XPO7: variants seen among roughly 807,000 people sequenced by gnomAD.
XPO7 encodes the protein exportin 7.
XPO7 carries 21 observed loss-of-function variants against 144.3 expected under a neutral mutation model. That is an observed-to-expected ratio of 0.15 (90% CI 0.10 to 0.21). The LOEUF (loss-of-function observed/expected upper bound fraction) is 0.21, where lower values mean the gene tolerates loss of function less well. Among genes scored for constraint, XPO7 ranks in the 10% least tolerant of loss-of-function variants. The pLI is 1.00. For synonymous variants in XPO7, 580 were observed against 499.6 expected (o/e 1.16, Z -2.15); for missense variants, 808 against 1,325.8 (o/e 0.61, Z 6.06).
intron 24 of XPO7, among the ~76,000 whole-genome samples, chr8:22,000,695 C>T (rs897639332): frequency 4.6e-5 from 7 of 152,074 alleles, no homozygotes; most frequent in African/African-American, 1.7e-4. Context: ...CCTCATGATC[C>T]GCCTGGCTTG....
chr8:21,949,647 A>G (rs1398438361), intron 1 of XPO7, among the ~76,000 whole-genome samples: 3 of 152,214 alleles, frequency 2.0e-5, no homozygotes, highest in South Asian at 2.1e-4. Context: ...TTTCCCCCAT[A>G]TAACAACAAA....
chr8:22,001,463 C>T (rs140018474), intron 24 of XPO7, among the ~76,000 whole-genome samples: 1 of 152,296 alleles, frequency 6.6e-6, no homozygotes, highest in East Asian at 1.9e-4. Flanking sequence ...TTGTGCTGTA[C>T]TGTTCCCTTT....
chr8:21,944,911 G>A (rs1424778486), intron 1 of XPO7, among the ~76,000 whole-genome samples: 1 of 152,182 alleles, frequency 6.6e-6, no homozygotes, highest in Non-Finnish European at 1.5e-5. Context: ...GTTTCAGAGA[G>A]CACGGGGATG....
chr8:21,978,117 A>G (rs733544), intron 8 of XPO7, among the ~76,000 whole-genome samples: 54,125 of 151,982 alleles, frequency 0.36, 10,233 homozygotes, highest in Non-Finnish European at 0.43. Context: ...GCTGTTCCTC[A>G]AACGGCCACA....
intron 1 of XPO7, among the ~76,000 whole-genome samples, chr8:21,931,414 G>A (rs375655527): frequency 5.9e-4 from 89 of 152,122 alleles, no homozygotes; most frequent in African/African-American, 2.0e-3. Context: ...CAAATTGGTG[G>A]GATTACAGTC....
At chr8:21,966,750 A>G (rs1811897962) in intron 1 of XPO7, 107 bp from the exon 2 acceptor site, 1 of 1,451,650 alleles carries the variant, frequency 6.9e-7, no homozygotes, top group Non-Finnish European at 9.2e-7. Context: ...TTCAGAAGCA[A>G]TTCTTTCTTT....
chr8:21,970,225 G>A lies in XPO7; in HGVS notation c.341G>A (p.Arg114Lys), dbSNP rs1188576353. 5.6e-6 allele frequency: 9 copies of A among 1,613,786 alleles called. No individual in the cohort carries two copies. Among genetic ancestry groups the A allele is most frequent in the South Asian group, 1.1e-5 (1 of 91,072 alleles). The change falls in exon 4 of 28, where the codon AGA becomes AAA. Residue 114 changes from arginine to lysine, a missense_variant. By Grantham distance (26) the Arg-to-Lys change is conservative. Transcript: ENST00000252512. The part of the protein sequence containing the change: ...VTQALIQLYA[R>K]ITKLGWFDCQ... Reference sequence around the variant, plus strand: ...CAAGCACTTATTCAGTTATATGCCAGAATCACAAAACTGGGCTGGTTTGAC... The same window carrying A: ...CAAGCACTTATTCAGTTATATGCCAAAATCACAAAACTGGGCTGGTTTGAC...
Position 21,985,607 on chromosome 8 carries a change from A to C in XPO7, c.1493A>C (p.Tyr498Ser), listed in dbSNP as rs759833399. The C allele has an allele frequency of 2.3e-5, 37 of 1,613,862 alleles. No homozygotes were observed. The highest frequency in any genetic ancestry group is 3.0e-5 in the Non-Finnish European group (35 of 1,179,896). The change falls in exon 13 of 28, where the codon TAC (tyrosine) becomes TCC (serine). Residue 498 changes from tyrosine (Y) to serine (S), a missense_variant. This residue lies in a region of XPO7 where 416 missense variants were observed against 612.5 expected (regional missense o/e 0.68). Transcript: ENST00000252512. The stretch of plus-strand genomic sequence containing the variant: ...GCAGGAAGGCTGACATGGCTGGTTT[A>C]CATTATTGGAGCAGTGATCGGTGGC... ...VQEGRLTWLV[Y>S]IIGAVIGGRV... is the part of the protein sequence containing the mutation.
At chr8:21,919,861 C>T in intron 1 of XPO7, 73 bp downstream of exon 1, 1 of 313,444 alleles carries the variant, frequency 3.2e-6, no homozygotes. Flanking sequence ...ACACGGCCCA[C>T]AGGGCGCCAG....
chr8:21,974,722 G>A lies in XPO7; in HGVS notation c.545G>A (p.Arg182His), dbSNP rs1361239839. 1.9e-6 allele frequency: 3 copies of A among 1,591,444 alleles called. No individual in the cohort carries two copies. Among genetic ancestry groups the A allele is most frequent in the Admixed American group, 1.8e-5 (1 of 56,474 alleles). Residue 182 changes from arginine to histidine, a missense_variant, in exon 6 of 28, where the codon CGC becomes CAC. Arg to His is a conservative substitution (Grantham distance 29). Around this residue, in one of 5 missense-constraint regions of XPO7, gnomAD observed 223 missense variants for 368.8 expected, o/e 0.60. Coordinates refer to ENST00000252512, the MANE Select transcript of XPO7 (RefSeq NM_015024.5). The part of the protein sequence containing the change: ...TKHRKIASSF[R>H]DSSLFDIFTL... ...CACAGAAAAATAGCCTCTTCTTTTC[G>A]CGATTCATCATTATTTGATATCTTC...
At chr8:21,946,745 C>T (rs1056758247) in intron 1 of XPO7, among the ~76,000 whole-genome samples, 5 of 149,016 alleles carry the variant, frequency 3.4e-5, no homozygotes, top group South Asian at 2.1e-4. Flanking sequence ...TGGGTTCAAG[C>T]GATTCTAAAA....
intron 1 of XPO7, among the ~76,000 whole-genome samples, chr8:21,960,282 C>A (rs1811681044): frequency 6.6e-6 from 1 of 152,186 alleles, no homozygotes; most frequent in Non-Finnish European, 1.5e-5. Context: ...TGACTGTGGG[C>A]CCGTTTCAGG....
rs571438233 is a variant in XPO7 at position 21,973,567 on chromosome 8, T to C, written c.493-1103T>C. 5.3e-5 allele frequency among the ~76,000 whole-genome samples: 8 copies of C among 152,378 alleles called. No individual in the cohort carries two copies. The South Asian group carries it at 1.7e-3, about 32-fold the overall frequency. ...AAAAGAAAGTATATTTCTGTCACTA[T>C]TCTTACTTAGAACCTAGAAATAAAA... On this transcript the variant is annotated intron_variant, in intron 5 of 27. Coordinates refer to ENST00000252512, the MANE Select transcript of XPO7 (RefSeq NM_015024.5).
chr8:21,960,342 T>G (rs1187131982), intron 1 of XPO7, among the ~76,000 whole-genome samples: 2 of 152,246 alleles, frequency 1.3e-5, no homozygotes, highest in East Asian at 3.8e-4. Context: ...CCCTGCAGCT[T>G]TCTTTCCTCT....
At chr8:21,997,820 T>C (rs1346792524) in intron 21 of XPO7, among the ~76,000 whole-genome samples, 1 of 151,806 alleles carries the variant, frequency 6.6e-6, no homozygotes, top group Non-Finnish European at 1.5e-5. Flanking sequence ...ATTTTAGAGT[T>C]AGATGTTGAT....
chr8:21,945,241 C>G (rs975340957), intron 1 of XPO7, among the ~76,000 whole-genome samples: 2 of 152,176 alleles, frequency 1.3e-5, no homozygotes, highest in Non-Finnish European at 2.9e-5. Context: ...GGGCTGCCCC[C>G]CAAGGAATAT....
chr8:21,944,305 GC>G (rs1321191828), intron 1 of XPO7, among the ~76,000 whole-genome samples: 1 of 152,090 alleles, frequency 6.6e-6, no homozygotes, highest in Non-Finnish European at 1.5e-5. Flanking sequence ...AAACGCGGTG[GC>G]CCTGTAATCC....
At chr8:21,947,657 A>G (rs1036913221) in intron 1 of XPO7, among the ~76,000 whole-genome samples, 2 of 152,192 alleles carry the variant, frequency 1.3e-5, no homozygotes, top group Non-Finnish European at 2.9e-5. Flanking sequence ...AGGATAGGAA[A>G]AGATCTCTCC....
intron 8 of XPO7, among the ~76,000 whole-genome samples, chr8:21,978,392 T>G (rs1168733273): frequency 6.6e-6 from 1 of 152,228 alleles, no homozygotes; most frequent in Non-Finnish European, 1.5e-5. Flanking sequence ...TGGTGTAAAT[T>G]ACCGGTTGGT....
Sources: allele counts gnomAD v4.1 joint callset (sites outside exome capture counted in the v4.1 genomes callset), GRCh38; gene constraint gnomAD v4.1.1; regional missense constraint gnomAD v4.1.1; transcripts MANE v1.5; gene names NCBI Gene and HGNC (gene_info 2026-07-23, HGNC 2026-07-21).